RXRA: variants seen among roughly 807,000 people sequenced by gnomAD.
RXRA encodes retinoid X receptor alpha, also known as retinoic acid receptor RXR-alpha.
A neutral mutation model predicts 44.5 loss-of-function variants in RXRA; 5 were observed. The ratio of observed to expected loss-of-function variants is 0.11; its 90% CI spans 0.06 to 0.24. RXRA has a LOEUF of 0.24. Among genes scored for constraint, RXRA ranks in the 10% least tolerant of loss-of-function variants. RXRA has a pLI of 1.00. For synonymous variants in RXRA, 291 were observed against 271.4 expected, an observed-to-expected ratio of 1.07 and a Z score of -0.71; for missense variants, 412 against 646.5, an observed-to-expected ratio of 0.64 and a Z score of 3.93.
At chr9:134,422,315 G>A (rs1241826178) in intron 6 of RXRA, 5 of 1,279,066 alleles carry the variant, frequency 3.9e-6, no homozygotes, top group South Asian at 2.5e-5. Flanking sequence ...CCTTTCCCGG[G>A]ACACTCCCCA....
chr9:134,408,045 G>T, intron 2 of RXRA, 104 bp from the exon 3 acceptor site: 1 of 864,434 alleles, frequency 1.2e-6, no homozygotes, highest in Non-Finnish European at 1.8e-6. Context: ...GTGTCTGTGT[G>T]TGAAGTTGGG....
At chr9:134,387,894 A>C (rs952860546) in intron 1 of RXRA, among the ~76,000 whole-genome samples, 3 of 152,254 alleles carry the variant, frequency 2.0e-5, no homozygotes, top group Non-Finnish European at 2.9e-5. Flanking sequence ...CTGTGAGCCC[A>C]AGGTTTTTTG....
chr9:134,386,252 G>C (rs1295141093), intron 1 of RXRA, among the ~76,000 whole-genome samples: 1 of 152,244 alleles, frequency 6.6e-6, no homozygotes, highest in East Asian at 1.9e-4. Context: ...GTGGGACCCT[G>C]AGCCCGCCGG....
intron 1 of RXRA, among the ~76,000 whole-genome samples, chr9:134,389,148 C>G (rs1830764019): frequency 6.6e-6 from 1 of 152,218 alleles, no homozygotes; most frequent in Non-Finnish European, 1.5e-5. Context: ...CAGCTCGCTC[C>G]CGTCCCCTGC....
chr9:134,390,209 G>A (rs1002788466), intron 1 of RXRA, among the ~76,000 whole-genome samples: 1 of 152,288 alleles, frequency 6.6e-6, no homozygotes, highest in South Asian at 2.1e-4. Flanking sequence ...AAGGGGAGGG[G>A]GAGTCTGACA....
Position 134,326,615 on chromosome 9 carries a change from A to G in RXRA, c.-17A>G, listed in dbSNP as rs1554746067. ...CCGCTGCCTGCGCCGCCGGCCGGGC[A>G]TGAGTTAGTCGCAGACATGGACACC... is the stretch of plus-strand genomic sequence containing the variant. On this transcript the variant is annotated 5_prime_UTR_variant, in exon 1 of 10. The change abolishes an upstream ATG in the 5' untranslated region. Transcript: ENST00000481739. The G allele has an allele frequency of 3.2e-6, 3 of 945,386 alleles. No homozygotes were observed. Among genetic ancestry groups the G allele is most frequent in the Non-Finnish European group, 2.5e-6 (2 of 803,272 alleles). 58.6% of individuals were successfully genotyped at this position (945,386 alleles called of 1,614,324 possible).
intron 4 of RXRA, among the ~76,000 whole-genome samples, chr9:134,416,436 G>A (rs967971975): frequency 5.9e-5 from 9 of 152,132 alleles, no homozygotes; most frequent in East Asian, 1.9e-4. Flanking sequence ...GGTTCCCCCC[G>A]AGTGGCTGCT....
chr9:134,344,829 G>A (rs1041452379), intron 1 of RXRA, among the ~76,000 whole-genome samples: 4 of 152,212 alleles, frequency 2.6e-5, no homozygotes, highest in African/African-American at 7.2e-5. Flanking sequence ...AGGTTCCCTC[G>A]ACGCTCTATG....
At chr9:134,401,420 C>T (rs1045490783) in intron 1 of RXRA, 13 of 727,648 alleles carry the variant, frequency 1.8e-5, no homozygotes, top group East Asian at 2.6e-5. Flanking sequence ...CGGGGTCAGG[C>T]GCAGAACAGT....
chr9:134,340,608 C>A (rs145918128), intron 1 of RXRA, among the ~76,000 whole-genome samples: 1 of 152,166 alleles, frequency 6.6e-6, no homozygotes, highest in South Asian at 2.1e-4. Context: ...CTGCAGGCAC[C>A]CAGGCAGACG....
At chr9:134,361,545 C>T (rs1287659562) in intron 1 of RXRA, among the ~76,000 whole-genome samples, 6 of 152,218 alleles carry the variant, frequency 3.9e-5, no homozygotes, top group Admixed American at 2.6e-4. Context: ...TGAGGTGTTG[C>T]GTCTCCTGAG....
chr9:134,411,453 C>T (rs1173976568), intron 4 of RXRA, among the ~76,000 whole-genome samples: 1 of 152,222 alleles, frequency 6.6e-6, no homozygotes, highest in Non-Finnish European at 1.5e-5. Flanking sequence ...CATGGTCTCA[C>T]TCGCCCCATA....
chr9:134,411,071 G>A (rs1473232229), intron 4 of RXRA, among the ~76,000 whole-genome samples: 2 of 152,224 alleles, frequency 1.3e-5, no homozygotes, highest in African/African-American at 2.4e-5. Context: ...ATGAAAAGGT[G>A]TCGGCACCAC....
chr9:134,425,615 G>T, intron 6 of RXRA: 4 of 976,246 alleles, frequency 4.1e-6, no homozygotes, highest in Non-Finnish European at 4.9e-6. Flanking sequence ...CTGGGAGGGA[G>T]GGAGGGAGGG....
chr9:134,403,888 C>T (rs553477371), intron 2 of RXRA: 1 of 152,410 alleles, frequency 6.6e-6, no homozygotes, highest in East Asian at 1.9e-4. Context: ...CAGACGTTCC[C>T]TGCCCGGCCG....
chr9:134,390,323 C>T (rs983985306), intron 1 of RXRA, among the ~76,000 whole-genome samples: 1 of 152,234 alleles, frequency 6.6e-6, no homozygotes, highest in African/African-American at 2.4e-5. Context: ...ATTGCCGTCC[C>T]TTCCACGGGT....
chr9:134,395,254 G>A (rs550280751), intron 1 of RXRA, among the ~76,000 whole-genome samples: 89 of 152,370 alleles, frequency 5.8e-4, no homozygotes, highest in South Asian at 5.6e-3. Flanking sequence ...CCAGATTTCT[G>A]TCCCTCCCTT....
At chr9:134,334,884 G>A (rs1267714518) in intron 1 of RXRA, among the ~76,000 whole-genome samples, 1 of 152,222 alleles carries the variant, frequency 6.6e-6, no homozygotes, top group Non-Finnish European at 1.5e-5. Context: ...GGGTCTGGAT[G>A]TGGACTGGGC....
intron 7 of RXRA, 151 bp downstream of exon 7, chr9:134,429,391 G>A (rs1831491931): frequency 1.1e-6 from 1 of 893,542 alleles, no homozygotes; most frequent in South Asian, 1.8e-5. Context: ...AAAGCATGAG[G>A]AGGAGGCTCA....
Sources: gnomAD v4.1 joint callset for allele counts (sites outside exome capture counted in the v4.1 genomes callset) on GRCh38, gnomAD v4.1.1 for gene constraint, MANE v1.5 for transcripts, NCBI Gene and HGNC (gene_info 2026-07-23, HGNC 2026-07-21) for gene names.